Variants in DNAH10 observed in about 807,000 individuals in gnomAD.
The protein encoded by DNAH10 is dynein axonemal heavy chain 10.
DNAH10 carries 348 observed loss-of-function variants against 506.6 expected under a neutral mutation model. The observed-to-expected ratio is 0.69, with a 90% confidence interval of 0.63 to 0.75. The LOEUF (loss-of-function observed/expected upper bound fraction) is 0.75. Ranked by LOEUF, DNAH10 falls within the 30% of genes least tolerant of loss-of-function variation. The probability of loss-of-function intolerance (pLI) is 0.00; values close to 1 mark genes in which losing one functional copy is unlikely to be tolerated. For synonymous variants in DNAH10, 2,059 were observed against 2,198.6 expected (o/e 0.94, Z 1.78); for missense variants, 5,179 against 5,787.1 (o/e 0.89, Z 3.41).
At position 123,867,459 on chromosome 12, in the gene DNAH10, T is replaced by C. The variant is rs954280459; in HGVS notation, c.7168-8T>C. Reference sequence around the variant, plus strand: ...CTTGAAATGCTTTGGAATGCTACTTTTTTATAGGTGGAGCAATACAATTTG... The same window carrying C: ...CTTGAAATGCTTTGGAATGCTACTTCTTTATAGGTGGAGCAATACAATTTG... On this transcript the variant is annotated splice_polypyrimidine_tract_variant and splice_region_variant and intron_variant, in intron 41 of 78. Transcript: ENST00000673944. The C allele has an allele frequency of 6.2e-7, 1 of 1,608,258 alleles. No homozygotes were observed. The highest frequency in any genetic ancestry group is 8.5e-7 in the Non-Finnish European group (1 of 1,177,878).
At chr12:123,861,772 T>C (rs948596437) in intron 39 of DNAH10, among the ~76,000 whole-genome samples, 4 of 152,250 alleles carry the variant, frequency 2.6e-5, no homozygotes, top group African/African-American at 9.6e-5. Flanking sequence ...TGATTTTATG[T>C]TCTAATCAAA....
At chr12:123,849,012 G>T in intron 34 of DNAH10, 130 bp downstream of exon 34, 1 of 1,179,748 alleles carries the variant, frequency 8.5e-7, no homozygotes, top group South Asian at 1.6e-5. Flanking sequence ...AAGATCTGTT[G>T]GTTTTTCCAA....
At position 123,919,006 on chromosome 12, in the gene DNAH10, C is replaced by T. The variant is rs1422075108; in HGVS notation, c.11506+57C>T. 1 of 1,481,224 alleles carries T rather than the reference C, an allele frequency of 6.8e-7. No individual in the cohort carries two copies. Among genetic ancestry groups the T allele is most frequent in the Non-Finnish European group, 9.0e-7 (1 of 1,111,588 alleles). The allele number at this position is 1,481,224 out of a possible 1,614,324, so 91.8% of individuals were successfully genotyped here. On this transcript the variant is annotated intron_variant, in intron 65 of 78. Coordinates refer to ENST00000673944, the MANE Select transcript of DNAH10 (RefSeq NM_001372106.1). The surrounding 1 kb of genome is among the most constrained non-coding windows in gnomAD (Gnocchi z 4.9). ...GTGTAGTTTGGTGTGCCAGACGTGGCTTTAAGGAAACGTGATCTGTGAAAA... is the reference window on the plus strand; with the variant it reads ...GTGTAGTTTGGTGTGCCAGACGTGGTTTTAAGGAAACGTGATCTGTGAAAA...
chr12:123,798,302 CAT>C (rs1286384946), intron 13 of DNAH10, among the ~76,000 whole-genome samples: 1 of 152,170 alleles, frequency 6.6e-6, no homozygotes, highest in Non-Finnish European at 1.5e-5. Flanking sequence ...GTACAGGTAG[CAT>C]AGCCTTCCTG....
intron 46 of DNAH10, among the ~76,000 whole-genome samples, chr12:123,874,048 C>T (rs1031769623): frequency 1.3e-5 from 2 of 152,104 alleles, no homozygotes; most frequent in Non-Finnish European, 2.9e-5. Context: ...GCCCCGTGTA[C>T]ATGGGAGGCA....
In DNAH10 at chr12:123,916,936, G is replaced by A. The variant is rs1472640541; in HGVS notation, c.11002+200G>A. ...CCATGAGTCACCTGTCATGAGTCACGCTGAGACGGGGCCGTGGGCTTATGT... is the reference window on the plus strand; with the variant it reads ...CCATGAGTCACCTGTCATGAGTCACACTGAGACGGGGCCGTGGGCTTATGT... On this transcript the variant is annotated intron_variant, in intron 63 of 78. Transcript: ENST00000673944. The surrounding 1 kb of genome is among the most constrained non-coding windows in gnomAD (Gnocchi z 4.6). Among the ~76,000 whole-genome samples the A allele has an allele frequency of 3.3e-5, 5 of 152,210 alleles. No homozygotes were observed. The highest frequency in any genetic ancestry group is 9.7e-5 in the African/African-American group (4 of 41,444).
At chr12:123,833,388 CA>C in intron 27 of DNAH10, 41 bp downstream of exon 27, 8 of 1,490,066 alleles carry the variant, frequency 5.4e-6, no homozygotes, top group Non-Finnish European at 7.4e-6. Flanking sequence ...AGAGCCAGTG[CA>C]TAGCAGTGGC....
In DNAH10 at chr12:123,916,852, A is replaced by T; in HGVS notation, c.11002+116A>T. 3 of 1,293,486 alleles carry T rather than the reference A, an allele frequency of 2.3e-6. No homozygotes were observed. The highest frequency in any genetic ancestry group is 2.1e-6 in the Non-Finnish European group (2 of 959,962). The allele number at this position is 1,293,486 out of a possible 1,614,324, so 80.1% of individuals were successfully genotyped here. ...CTCAGTGACCCCAGATCATTCTCTC[A>T]TAGGCACATCTGGACTAGTCAGCTC... On this transcript the variant is annotated intron_variant, in intron 63 of 78. Coordinates refer to ENST00000673944, the MANE Select transcript of DNAH10 (RefSeq NM_001372106.1). The surrounding 1 kb of genome is among the most constrained non-coding windows in gnomAD (Gnocchi z 4.6).
At chr12:123,782,914 A>G (rs542515209) in intron 6 of DNAH10, among the ~76,000 whole-genome samples, 193 bp from the exon 7 acceptor site, 11 of 152,256 alleles carry the variant, frequency 7.2e-5, no homozygotes, top group South Asian at 2.1e-4. Flanking sequence ...TAACACCGGA[A>G]CAATTATCTA....
intron 21 of DNAH10, among the ~76,000 whole-genome samples, chr12:123,816,655 A>C (rs1388176124): frequency 6.6e-6 from 1 of 152,242 alleles, no homozygotes; most frequent in Non-Finnish European, 1.5e-5. Context: ...AAATGGTCAA[A>C]TGTGAAGGAG....
At chr12:123,815,859 C>G (rs1959127429) in intron 21 of DNAH10, among the ~76,000 whole-genome samples, 1 of 152,186 alleles carries the variant, frequency 6.6e-6, no homozygotes, top group Admixed American at 6.5e-5. Flanking sequence ...CCAGCATGTA[C>G]TGTACTGAAT....
chr12:123,820,286 C>T (rs1311833827), intron 23 of DNAH10, among the ~76,000 whole-genome samples: 3 of 151,956 alleles, frequency 2.0e-5, no homozygotes, highest in Admixed American at 1.3e-4. Context: ...CTCAAGGGGG[C>T]GGCAAAGGAT....
chr12:123,828,013 G>A (rs1358182941), intron 25 of DNAH10, among the ~76,000 whole-genome samples: 1 of 151,998 alleles, frequency 6.6e-6, no homozygotes, highest in Admixed American at 6.6e-5. Context: ...CTTTGGTCCT[G>A]TCTCATCATT....
chr12:123,895,023 GT>G (rs1953156430), intron 54 of DNAH10, among the ~76,000 whole-genome samples: 1 of 152,190 alleles, frequency 6.6e-6, no homozygotes, highest in South Asian at 2.1e-4. Context: ...AGTAAATAAA[GT>G]TTTATTGGTA....
At chr12:123,914,730 CT>C (rs2137494448) in intron 61 of DNAH10, 121 bp from the exon 62 acceptor site, 1 of 1,448,270 alleles carries the variant, frequency 6.9e-7, no homozygotes, top group East Asian at 2.5e-5. Flanking sequence ...TCCCTGGCCT[CT>C]GAGGAGGCTT....
chr12:123,799,202 T>TAGCCG, intron 13 of DNAH10, 44 bp from the exon 14 acceptor site: 9 of 1,562,380 alleles, frequency 5.8e-6, no homozygotes, highest in South Asian at 3.6e-5. Context: ...ATGAAAAATG[T>TAGCCG]TATTTTCAAG....
In DNAH10 at chr12:123,870,483, T is replaced by C. The variant is rs1267795237; in HGVS notation, c.7637T>C (p.Leu2546Pro). The change falls in exon 44 of 79, where the codon CTG becomes CCG. Residue 2546 changes from leucine (L) to proline (P), a missense_variant and splice_region_variant. Coordinates refer to ENST00000673944, the MANE Select transcript of DNAH10 (RefSeq NM_001372106.1). Reference protein sequence around the residue: ...HAPERKFINILVHTVDTTRTT... With the variant: ...HAPERKFINIPVHTVDTTRTT... Reference sequence around the variant, plus strand: ...CCCGAGAGGAAATTCATCAACATCCTGGGTAAGTCAGAGTCAAATCCTTGT... The same window carrying C: ...CCCGAGAGGAAATTCATCAACATCCCGGGTAAGTCAGAGTCAAATCCTTGT... The C allele has an allele frequency of 6.2e-7, 1 of 1,612,998 alleles. No homozygotes were observed. Among genetic ancestry groups the C allele is most frequent in the Non-Finnish European group, 8.5e-7 (1 of 1,179,710 alleles).
rs768696431 is a variant in DNAH10, at chr12:123,805,082, A to C, written c.2987+42A>C. On this transcript the variant is annotated intron_variant, in intron 18 of 78. Transcript: ENST00000673944. ...GCATGCTTTAAAATGGTGTGTGTAG[A>C]TTAAAACAGTTGACAAATATGGACA... is the stretch of plus-strand genomic sequence containing the variant. The C allele has an allele frequency of 1.1e-5, 17 of 1,597,242 alleles. No homozygotes were observed. The East Asian group carries it at 3.8e-4, about 36-fold the overall frequency.
chr12:123,840,405 T>G lies in DNAH10; in HGVS notation c.5137-917T>G, dbSNP rs1418768718. On this transcript the variant is annotated intron_variant, in intron 29 of 78. Transcript: ENST00000673944. ...GTATTCTGTTTCCAGTTTTTTTTTT[T>G]TTTTTTTTTTTTTTTTTCAGACAGG... Among the ~76,000 whole-genome samples, 25 of 138,272 alleles carry G rather than the reference T, an allele frequency of 1.8e-4. No individual in the cohort carries two copies. The East Asian group carries it at 4.7e-3, about 26-fold the overall frequency. 90.7% of individuals were successfully genotyped at this position (138,272 alleles called of 152,430 possible).
Sources: gnomAD v4.1 joint callset for allele counts (sites outside exome capture counted in the v4.1 genomes callset) on GRCh38, gnomAD v4.1.1 for gene constraint, Gnocchi (gnomAD v3.1) non-coding constraint, MANE v1.5 for transcripts, NCBI Gene and HGNC (gene_info 2026-07-23, HGNC 2026-07-21) for gene names.